GSN: variants seen among roughly 807,000 people sequenced by gnomAD.
GSN encodes the protein gelsolin, also known as actin-depolymerizing factor.
In GSN, 56 loss-of-function variants were observed where a neutral mutation model predicts 85.7. The ratio of observed to expected loss-of-function variants is 0.65; its 90% CI spans 0.53 to 0.82. GSN has a LOEUF of 0.82. Ranked by LOEUF, GSN falls within the 40% of genes least tolerant of loss-of-function variation. The probability of loss-of-function intolerance (pLI) is 0.00; values close to 1 mark genes in which losing one functional copy is unlikely to be tolerated. For synonymous variants in GSN, 373 were observed against 399.1 expected, an observed-to-expected ratio of 0.93 and a Z score of 0.78; for missense variants, 857 against 979.8, an observed-to-expected ratio of 0.87 and a Z score of 1.67.
chr9:121,327,189 GCTGTGTTC>G, intron 13 of GSN, 111 bp from the exon 14 acceptor site: 1 of 861,908 alleles, frequency 1.2e-6, no homozygotes, highest in Non-Finnish European at 2.0e-6. Flanking sequence ...GCTCTGATGG[GCTGTGTTC>G]CTCCAAGTCC....
chr9:121,310,663 G>GAGC (rs775015990), intron 4 of GSN, 21 bp from the exon 5 acceptor site: 52 of 1,613,424 alleles, frequency 3.2e-5, no homozygotes, highest in South Asian at 5.5e-5. Context: ...CTGGGCTAAT[G>GAGC]CTGTCTCTTT....
At chr9:121,228,577 G>A (rs1201227947) in intron 4 of GSN, among the ~76,000 whole-genome samples, 1 of 151,266 alleles carries the variant, frequency 6.6e-6, no homozygotes, top group Non-Finnish European at 1.5e-5. Context: ...GGGACTACAG[G>A]TGTGTGCCAC....
At chr9:121,209,214 G>GAGC (rs2053930410) in intron 1 of GSN, 1 of 152,266 alleles carries the variant, frequency 6.6e-6, no homozygotes, top group Non-Finnish European at 1.5e-5. Flanking sequence ...CAGGGCTGAG[G>GAGC]AGCAGCTCCC....
At chr9:121,298,686 C>G (rs1165672664) in intron 2 of GSN, among the ~76,000 whole-genome samples, 3 of 152,222 alleles carry the variant, frequency 2.0e-5, no homozygotes, top group Non-Finnish European at 4.4e-5. Context: ...AGCCAGCTCT[C>G]CAACTCTCCA....
chr9:121,318,823 C>G lies in GSN; in HGVS notation c.1134C>G (p.Thr378=). ...CCTTCGACGCCGCCACCCTGCACACCTCCACTGCCATGGCCGCCCAGCACG... is the reference window on the plus strand; with the variant it reads ...CCTTCGACGCCGCCACCCTGCACACGTCCACTGCCATGGCCGCCCAGCACG... ...RVPFDAATLH[T]STAMAAQHGM... Residue 378 remains threonine, a synonymous_variant, in exon 10 of 18, where the codon ACC becomes ACG. Coordinates refer to ENST00000432226, the MANE Select transcript of GSN (RefSeq NM_198252.3). The surrounding 1 kb of genome is among the most constrained non-coding windows in gnomAD (Gnocchi z 4.3). 1 of 1,614,170 alleles carries G rather than the reference C, an allele frequency of 6.2e-7. No individual in the cohort carries two copies. The highest frequency in any genetic ancestry group is 2.2e-5 in the East Asian group (1 of 44,886).
intron 2 of GSN, chr9:121,286,215 C>T (rs1380333074): frequency 2.1e-5 from 30 of 1,428,962 alleles, no homozygotes; most frequent in Non-Finnish European, 2.4e-5. Context: ...GGGTGGTCCC[C>T]GAAGCCAGCT....
At chr9:121,302,484 T>C (rs1288324518) in intron 3 of GSN, among the ~76,000 whole-genome samples, 1 of 152,122 alleles carries the variant, frequency 6.6e-6, no homozygotes, top group African/African-American at 2.4e-5. Context: ...TGTGGGTGAA[T>C]TGGAGACCCT....
rs188224067 is a variant in GSN at position 121,209,042 on chromosome 9, A to C, written c.-807-254A>C. Among the ~76,000 whole-genome samples, 3 of 152,368 alleles carry C rather than the reference A, an allele frequency of 2.0e-5. No individual in the cohort carries two copies. The East Asian group carries it at 5.8e-4, about 29-fold the overall frequency. ...TCGTCTGACTTCTGAACAAGTTGAG[A>C]TATCAACAAAAAGATGCAGAGGAAG... On this transcript the variant is annotated intron_variant, in intron 1 of 24. Coordinates refer to the GSN transcript ENST00000373823.
chr9:121,224,630 C>T (rs534638608), intron 4 of GSN, among the ~76,000 whole-genome samples: 2 of 151,512 alleles, frequency 1.3e-5, no homozygotes, highest in Admixed American at 1.3e-4. Flanking sequence ...ACTTTCCTGC[C>T]ACCAATGTTG....
rs757725237 is a variant in GSN at position 121,317,078 on chromosome 9, C to T, written c.754-8C>T. ...CATGTGCTGGTTCCTTCTGCTTCGTCCCCTCAGGTCTCCAATGGTGCAGGG... is the reference window on the plus strand; with the variant it reads ...CATGTGCTGGTTCCTTCTGCTTCGTTCCCTCAGGTCTCCAATGGTGCAGGG... On this transcript the variant is annotated splice_polypyrimidine_tract_variant and splice_region_variant and intron_variant, in intron 7 of 17. Transcript: ENST00000432226. 53 of 1,614,032 alleles carry T rather than the reference C, an allele frequency of 3.3e-5. No homozygotes were observed. The East Asian group carries it at 3.6e-4, about 11-fold the overall frequency.
At chr9:121,202,688 T>C in the GSN span, among the ~76,000 whole-genome samples, 1 of 152,226 alleles carries the variant, frequency 6.6e-6, no homozygotes, top group South Asian at 2.1e-4. Flanking sequence ...CACACACACA[T>C]ATATTTCACA....
chr9:121,251,947 G>A (rs889176017), intron 6 of GSN, among the ~76,000 whole-genome samples: 1 of 152,106 alleles, frequency 6.6e-6, no homozygotes, highest in African/African-American at 2.4e-5. Context: ...GGCGACAAGA[G>A]CAAAACTCTG....
At chr9:121,291,027 C>T (rs2058631606) in intron 2 of GSN, among the ~76,000 whole-genome samples, 1 of 151,048 alleles carries the variant, frequency 6.6e-6, no homozygotes, top group South Asian at 2.1e-4. Context: ...TTCGTGGATT[C>T]AACCAACCAC....
upstream of GSN, among the ~76,000 whole-genome samples, chr9:121,267,635 C>G (rs1353913764): frequency 6.6e-6 from 1 of 152,212 alleles, no homozygotes; most frequent in Non-Finnish European, 1.5e-5. Context: ...ACCAGGGATG[C>G]ACTTGGCATT....
chr9:121,301,074 G>A (rs4836848), intron 2 of GSN, among the ~76,000 whole-genome samples: 59,935 of 152,118 alleles, frequency 0.39, 13,898 homozygotes, highest in East Asian at 0.62. Flanking sequence ...CAGTTTCTCT[G>A]TCTGCAGATT....
Position 121,324,653 on chromosome 9 carries a change from A to AGAGAGGCGGTGGGCTGG in GSN, c.1416+10_1416+11insAGAGGCGGTGGGCTGGG. On this transcript the variant is annotated intron_variant, in intron 12 of 17. Transcript: ENST00000432226. The stretch of plus-strand genomic sequence containing the variant: ...GAGGTACCCCTGTCCAGGTGAGCCC[A>AGAGAGGCGGTGGGCTGG]GCCCACCGCCTCTCTGGGCTGCAGC... 1 of 1,405,226 alleles carries AGAGAGGCGGTGGGCTGG rather than the reference A, an allele frequency of 7.1e-7. No homozygotes were observed. The highest frequency in any genetic ancestry group is 9.8e-7 in the Non-Finnish European group (1 of 1,017,340). The allele number at this position is 1,405,226 out of a possible 1,614,324, so 87.0% of individuals were successfully genotyped here.
chr9:121,236,884 C>G (rs2054505557), intron 5 of GSN, among the ~76,000 whole-genome samples: 2 of 152,226 alleles, frequency 1.3e-5, no homozygotes, highest in Admixed American at 6.5e-5. Context: ...ATTAAAATAT[C>G]CACAAACATG....
chr9:121,209,388 A>G (rs1289830034), exon 2 of GSN: 1 of 141,876 alleles, frequency 7.0e-6, no homozygotes, highest in Non-Finnish European at 1.5e-5. Context: ...ATTCCCTTCT[A>G]CCATCCATGG....
At chr9:121,324,835 C>T (rs1888023) in intron 12 of GSN, among the ~76,000 whole-genome samples, 191 bp downstream of exon 12, 4,782 of 152,314 alleles carry the variant, frequency 0.031, 310 homozygotes, top group Admixed American at 0.15. Context: ...GTGTTCCACA[C>T]TGCATCTGTA....
Sources: allele counts gnomAD v4.1 joint callset (sites outside exome capture counted in the v4.1 genomes callset), GRCh38; gene constraint gnomAD v4.1.1; non-coding constraint Gnocchi (gnomAD v3.1); transcripts MANE v1.5; gene names NCBI Gene and HGNC (gene_info 2026-07-23, HGNC 2026-07-21).